MACROD2: variants seen among roughly 807,000 people sequenced by gnomAD.
MACROD2 encodes ADP-ribose glycohydrolase MACROD2.
A neutral mutation model predicts 70.4 loss-of-function variants in MACROD2; 36 were observed. The observed-to-expected ratio is 0.51, with a 90% CI of 0.39 to 0.68. The LOEUF (loss-of-function observed/expected upper bound fraction) is 0.68. Ranked by LOEUF, MACROD2 falls within the 30% of genes least tolerant of loss-of-function variation. The probability of loss-of-function intolerance (pLI) is 0.00; values close to 1 mark genes in which losing one functional copy is unlikely to be tolerated. For synonymous variants in MACROD2, 172 were observed against 178.8 expected, an observed-to-expected ratio of 0.96 and a Z score of 0.30; for missense variants, 496 against 538.4, an observed-to-expected ratio of 0.92 and a Z score of 0.78.
chr20:14,407,357 T>C (rs917419749), intron 3 of MACROD2, among the ~76,000 whole-genome samples: 8 of 152,206 alleles, frequency 5.3e-5, no homozygotes, highest in Admixed American at 3.9e-4. Context: ...CTAAAGCTGA[T>C]GGTGACTCTG....
intron 2 of MACROD2, among the ~76,000 whole-genome samples, chr20:14,031,902 C>T (rs886600086): frequency 6.6e-5 from 10 of 152,072 alleles, no homozygotes; most frequent in African/African-American, 1.9e-4. Context: ...GGCAAAAACA[C>T]TATGAAGTAA....
intron 5 of MACROD2, among the ~76,000 whole-genome samples, chr20:15,093,408 A>C (rs1213469908): frequency 6.6e-6 from 1 of 151,230 alleles, no homozygotes; most frequent in Admixed American, 6.6e-5. Context: ...TTTCATTTTT[A>C]TTTTTTCTTC....
intron 4 of MACROD2, among the ~76,000 whole-genome samples, chr20:14,518,104 A>G (rs1768988586): frequency 6.6e-6 from 1 of 151,436 alleles, no homozygotes; most frequent in Non-Finnish European, 1.5e-5. Flanking sequence ...ATTTTATATG[A>G]TTTAACACTT....
intron 5 of MACROD2, among the ~76,000 whole-genome samples, chr20:14,703,153 T>C (rs2071226837): frequency 1.3e-5 from 2 of 152,142 alleles, no homozygotes; most frequent in Admixed American, 6.5e-5. Flanking sequence ...AATGGGTGAT[T>C]AGTTGTTTCC....
chr20:14,607,654 A>G (rs1401132067), intron 4 of MACROD2, among the ~76,000 whole-genome samples: 4 of 152,188 alleles, frequency 2.6e-5, no homozygotes, highest in Non-Finnish European at 5.9e-5. Context: ...GATACTTAAT[A>G]CATTGCCTTC....
chr20:15,119,240 A>G (rs2076013519), intron 5 of MACROD2, among the ~76,000 whole-genome samples: 1 of 152,156 alleles, frequency 6.6e-6, no homozygotes, highest in African/African-American at 2.4e-5. Flanking sequence ...TCTAGTTTCA[A>G]TATTTCCCAC....
intron 9 of MACROD2, among the ~76,000 whole-genome samples, chr20:15,865,953 T>A (rs950638244): frequency 6.6e-6 from 1 of 152,174 alleles, no homozygotes; most frequent in Non-Finnish European, 1.5e-5. Context: ...CTGACACTAT[T>A]AGATTTTTAC....
chr20:14,213,383 A>AAAAAAAAAAAAC (rs2081587021), intron 3 of MACROD2, among the ~76,000 whole-genome samples: 1 of 149,288 alleles, frequency 6.7e-6, no homozygotes, highest in Non-Finnish European at 1.5e-5. Context: ...AAAAAAAAAA[A>AAAAAAAAAAAAC]AAAGGCCAAT....
intron 15 of MACROD2, among the ~76,000 whole-genome samples, chr20:16,004,587 T>G (rs558250578): frequency 4.5e-4 from 68 of 152,352 alleles, no homozygotes; most frequent in Admixed American, 2.7e-3. Context: ...AGCTCTCTTA[T>G]CAGCAGCTCT....
Position 15,020,075 on chromosome 20 carries a change from C to T in MACROD2, c.419-209865C>T, listed in dbSNP as rs545505203. The stretch of plus-strand genomic sequence containing the variant: ...AAATACGTATTGATAAAAAAGCATT[C>T]TTAGCATCTGGGTTATACTGAAAGA... On this transcript the variant is annotated intron_variant, in intron 5 of 17. Transcript: ENST00000684519. Among the ~76,000 whole-genome samples the T allele has an allele frequency of 4.4e-4, 67 of 152,200 alleles. 1 individual carries two copies. In the South Asian group the frequency reaches 7.7e-3, roughly 17 times the overall value.
intron 5 of MACROD2, among the ~76,000 whole-genome samples, chr20:15,209,087 TGTGGTGGTG>T (rs537024871): frequency 2.1e-4 from 32 of 151,686 alleles, no homozygotes; most frequent in East Asian, 1.5e-3. Flanking sequence ...ATCCCTTTCC[TGTGGTGGTG>T]GTGGTGGTGG....
chr20:15,841,663 G>T (rs556214749), intron 8 of MACROD2, among the ~76,000 whole-genome samples: 2 of 152,148 alleles, frequency 1.3e-5, no homozygotes, highest in South Asian at 4.2e-4. Context: ...CTCCCACCAG[G>T]CCCTACCTCC....
intron 12 of MACROD2, 102 bp from the exon 13 acceptor site, chr20:15,967,451 A>C (rs2066157665): frequency 3.1e-6 from 3 of 978,678 alleles, no homozygotes; most frequent in Non-Finnish European, 4.5e-6. Context: ...AAACGAATAA[A>C]TTCTATTTTT....
At chr20:15,736,905 A>G (rs2051029893) in intron 8 of MACROD2, among the ~76,000 whole-genome samples, 1 of 152,216 alleles carries the variant, frequency 6.6e-6, no homozygotes, top group Non-Finnish European at 1.5e-5. Flanking sequence ...AAGTCACAAA[A>G]GATTTTTGAG....
chr20:14,080,560 A>G (rs1025013609), intron 2 of MACROD2, among the ~76,000 whole-genome samples: 3 of 152,092 alleles, frequency 2.0e-5, no homozygotes, highest in African/African-American at 7.2e-5. Flanking sequence ...TAACCAGGCC[A>G]AATCTAATGA....
chr20:15,222,760 A>G (rs1339807417), intron 5 of MACROD2, among the ~76,000 whole-genome samples: 1 of 152,248 alleles, frequency 6.6e-6, no homozygotes, highest in East Asian at 1.9e-4. Flanking sequence ...CAAATGGAAA[A>G]TGATGAGAGC....
chr20:15,196,745 A>T, intron 5 of MACROD2: 1 of 340,254 alleles, frequency 2.9e-6, no homozygotes, highest in East Asian at 1.7e-4. Context: ...ACTGTGAAGA[A>T]GGTACAATAT....
At chr20:14,545,668 CTTTG>C (rs1346643050) in intron 4 of MACROD2, among the ~76,000 whole-genome samples, 3 of 152,058 alleles carry the variant, frequency 2.0e-5, no homozygotes, top group African/African-American at 7.2e-5. Flanking sequence ...CATCTAAATG[CTTTG>C]TTTGTTAAAG....
At chr20:14,177,301 C>CT (rs71190114) in intron 3 of MACROD2, among the ~76,000 whole-genome samples, 100,577 of 125,324 alleles carry the variant, frequency 0.8, 40,751 homozygotes, top group Admixed American at 0.86. Context: ...GAGATATCTT[C>CT]TTTTTTTTTT....
Sources: gnomAD v4.1 joint callset for allele counts (sites outside exome capture counted in the v4.1 genomes callset) on GRCh38, gnomAD v4.1.1 for gene constraint, MANE v1.5 for transcripts, NCBI Gene and HGNC (gene_info 2026-07-23, HGNC 2026-07-21) for gene names.